PRSS23: variants seen among roughly 807,000 people sequenced by gnomAD.
The protein encoded by PRSS23 is serine protease 23, also known as protease, serine 23.
In PRSS23, 25 loss-of-function variants were observed where a neutral mutation model predicts 34.7. That is an observed-to-expected ratio of 0.72 (90% CI 0.53 to 1.01). The LOEUF (loss-of-function observed/expected upper bound fraction) is 1.01. PRSS23 is among the 50% of genes least tolerant of loss of function. PRSS23 has a pLI of 0.00. For missense variants in PRSS23, 445 were observed against 475.6 expected, an observed-to-expected ratio of 0.94 and a Z score of 0.60; for synonymous variants, 176 against 186.6, an observed-to-expected ratio of 0.94 and a Z score of 0.46.
At chr11:86,873,267 T>C (rs1456451013) in intron 2 of PRSS23, among the ~76,000 whole-genome samples, 5 of 132,018 alleles carry the variant, frequency 3.8e-5, no homozygotes, top group African/African-American at 1.2e-4. Flanking sequence ...TATATATATA[T>C]ACACACACAT....
At chr11:86,886,281 G>A (rs1017336568) in intron 2 of PRSS23, among the ~76,000 whole-genome samples, 1 of 152,156 alleles carries the variant, frequency 6.6e-6, no homozygotes, top group Non-Finnish European at 1.5e-5. Context: ...GCCCTCAGCT[G>A]GAGAGAGCTA....
intron 2 of PRSS23, among the ~76,000 whole-genome samples, chr11:86,882,996 A>G (rs1461270067): frequency 6.6e-6 from 1 of 152,136 alleles, no homozygotes; most frequent in Non-Finnish European, 1.5e-5. Flanking sequence ...CCACATCTGT[A>G]TCTTCTTTTA....
intron 2 of PRSS23, among the ~76,000 whole-genome samples, chr11:86,849,103 C>T (rs1256495520): frequency 6.6e-6 from 1 of 152,206 alleles, no homozygotes; most frequent in African/African-American, 2.4e-5. Flanking sequence ...TGCAATCACC[C>T]TCACAGAGCC....
At position 86,843,974 on chromosome 11, in the gene PRSS23, T is replaced by C. The variant is rs57787846; in HGVS notation, c.206+20381T>C. 9.7e-4 allele frequency among the ~76,000 whole-genome samples: 148 copies of C among 152,358 alleles called. 1 individual carries two copies. The highest frequency in any genetic ancestry group is 3.3e-3 in the African/African-American group (136 of 41,596). ...AAAGACACATGCCCACGAATGTTTATTGTGGCACTATTCACAATACCAAAG... is the reference window on the plus strand; with the variant it reads ...AAAGACACATGCCCACGAATGTTTACTGTGGCACTATTCACAATACCAAAG... On this transcript the variant is annotated intron_variant, in intron 2 of 2. Coordinates refer to the PRSS23 transcript ENST00000533902.
chr11:86,938,518 G>A (rs980811978), intron 2 of PRSS23, among the ~76,000 whole-genome samples: 1 of 152,196 alleles, frequency 6.6e-6, no homozygotes, highest in African/African-American at 2.4e-5. Flanking sequence ...AGCTGGAAGT[G>A]GCTGGGATTG....
chr11:86,830,747 T>C (rs1370570201), intron 2 of PRSS23, among the ~76,000 whole-genome samples: 1 of 152,104 alleles, frequency 6.6e-6, no homozygotes, highest in East Asian at 1.9e-4. Context: ...ATCACAGAGG[T>C]GTACACCCTT....
At chr11:86,829,087 A>T (rs1191854542) in intron 2 of PRSS23, among the ~76,000 whole-genome samples, 1 of 152,094 alleles carries the variant, frequency 6.6e-6, no homozygotes, top group East Asian at 1.9e-4. Context: ...CCTGCAGAGT[A>T]TTTTCCAACT....
intron 2 of PRSS23, among the ~76,000 whole-genome samples, chr11:86,885,682 A>C (rs542783934): frequency 6.6e-6 from 1 of 152,362 alleles, no homozygotes; most frequent in Non-Finnish European, 1.5e-5. Context: ...TCTATCCCGC[A>C]GATTTTTGAC....
intron 2 of PRSS23, among the ~76,000 whole-genome samples, chr11:86,868,322 G>T (rs187618153): frequency 5.8e-4 from 89 of 152,280 alleles, no homozygotes; most frequent in Non-Finnish European, 1.1e-3. Context: ...TCTCCTTCTG[G>T]GTTCCATGTG....
Position 86,793,180 on chromosome 11 carries a change from T to C in PRSS23, c.-14+1985T>C, listed in dbSNP as rs74679454. ...CGTGGTCAAATAAGATTGGGCACCT[T>C]TGAGATAAACGAGCTTAACTAGATT... On this transcript the variant is annotated intron_variant, in intron 1 of 1. Coordinates refer to the PRSS23 transcript ENST00000527521. 3.3e-5 allele frequency among the ~76,000 whole-genome samples: 5 copies of C among 152,342 alleles called. No homozygotes were observed. The East Asian group carries it at 9.6e-4, about 29-fold the overall frequency.
intron 2 of PRSS23, among the ~76,000 whole-genome samples, chr11:86,927,347 C>A (rs747707720): frequency 2.6e-5 from 4 of 152,160 alleles, no homozygotes; most frequent in Non-Finnish European, 5.9e-5. Context: ...CTGATTGACT[C>A]TAAAGGTTAT....
intron 2 of PRSS23, among the ~76,000 whole-genome samples, chr11:86,895,851 C>G (rs1481761653): frequency 6.6e-6 from 1 of 152,144 alleles, no homozygotes; most frequent in African/African-American, 2.4e-5. Flanking sequence ...GAAGGTAAGT[C>G]AAATTCATGT....
chr11:86,808,938 CTTACAA>C lies in PRSS23; in HGVS notation c.*146_*151del, dbSNP rs1590872665. The C allele has an allele frequency of 8.4e-5, 58 of 688,984 alleles. No homozygotes were observed. The East Asian group carries it at 1.4e-3, about 17-fold the overall frequency. 42.7% of individuals were successfully genotyped at this position (688,984 alleles called of 1,614,324 possible). ...GTGTCTTATAATCTTTTACCTATTT[CTTACAA>C]TTGCAAGATGACTGGCTTTACTATT... On this transcript the variant is annotated 3_prime_UTR_variant, in exon 2 of 2. Transcript: ENST00000280258.
chr11:86,936,968 G>A (rs540804488), intron 2 of PRSS23: 2 of 152,108 alleles, frequency 1.3e-5, no homozygotes, highest in African/African-American at 4.8e-5. Context: ...TGCATAAATG[G>A]AACATGTCCA....
intron 1 of PRSS23, among the ~76,000 whole-genome samples, chr11:86,820,115 G>A (rs1461060820): frequency 6.6e-6 from 1 of 152,140 alleles, no homozygotes; most frequent in Non-Finnish European, 1.5e-5. Context: ...TTTGTGGGGA[G>A]GGGGTGTAAA....
chr11:86,825,323 GGTT>G (rs1192619759), intron 2 of PRSS23, among the ~76,000 whole-genome samples: 9 of 151,946 alleles, frequency 5.9e-5, no homozygotes, highest in African/African-American at 2.2e-4. Flanking sequence ...TTTTTGATGG[GGTT>G]GTTTGTTTTT....
chr11:86,840,328 T>C (rs1330491766), intron 2 of PRSS23, among the ~76,000 whole-genome samples: 1 of 152,170 alleles, frequency 6.6e-6, no homozygotes, highest in African/African-American at 2.4e-5. Flanking sequence ...TAGTCTTTGT[T>C]AAAACAGACT....
intron 2 of PRSS23, among the ~76,000 whole-genome samples, chr11:86,870,343 T>C (rs1396933531): frequency 1.3e-5 from 2 of 152,118 alleles, no homozygotes; most frequent in Non-Finnish European, 2.9e-5. Flanking sequence ...ATTTATTGGA[T>C]GGTTGGATCT....
intron 2 of PRSS23, among the ~76,000 whole-genome samples, chr11:86,852,984 G>T (rs1047723368): frequency 6.6e-6 from 1 of 152,046 alleles, no homozygotes; most frequent in African/African-American, 2.4e-5. Flanking sequence ...CTCCGGAGTA[G>T]CTGGGATTAC....
Sources: allele counts gnomAD v4.1 joint callset (sites outside exome capture counted in the v4.1 genomes callset), GRCh38; gene constraint gnomAD v4.1.1; transcripts MANE v1.5; gene names NCBI Gene and HGNC (gene_info 2026-07-23, HGNC 2026-07-21).